Variants in PNKP observed in about 807,000 individuals in gnomAD.
PNKP encodes the protein polynucleotide kinase 3'-phosphatase.
Under a neutral mutation model 66.2 loss-of-function variants are expected in PNKP, and 82 were observed. The ratio of observed to expected loss-of-function variants is 1.24; its 90% confidence interval spans 1.04 to 1.49. The LOEUF (loss-of-function observed/expected upper bound fraction) is 1.49. PNKP is among the 40% of genes most tolerant of loss of function. The pLI is 0.00. For synonymous variants in PNKP, 412 were observed against 298.9 expected, an observed-to-expected ratio of 1.38 and a Z score of -3.90; for missense variants, 907 against 706.8, an observed-to-expected ratio of 1.28 and a Z score of -3.21.
At position 49,861,258 on chromosome 19, in the gene PNKP, G is replaced by T. The variant is rs745801055; in HGVS notation, c.1556C>A (p.Ser519Tyr). The T allele has an allele frequency of 1.2e-6, 2 of 1,603,610 alleles. No individual in the cohort carries two copies. The highest frequency in any genetic ancestry group is 1.7e-6 in the Non-Finnish European group (2 of 1,170,794). Reference protein sequence around the residue: ...PRLGRLYCQFSEG With the variant: ...PRLGRLYCQFYEG The stretch of plus-strand genomic sequence containing the variant: ...GGAGCTGGGCGGGGCTCAGCCCTCG[G>T]AGAACTGGCAGTACAGCCGCCCCAG... Residue 519 changes from serine (S) to tyrosine (Y), a missense_variant, in exon 17 of 17, where the codon TCC (serine) becomes TAC (tyrosine). Coordinates refer to ENST00000322344, the MANE Select transcript of PNKP (RefSeq NM_007254.4).
rs571119317 is a variant in PNKP at position 49,864,191 on chromosome 19, G to A, written c.624C>T (p.Ala208=). The change falls in exon 6 of 17, where the codon GCC becomes GCT. Residue 208 remains alanine (A), a synonymous_variant. Coordinates refer to ENST00000322344, the MANE Select transcript of PNKP (RefSeq NM_007254.4). ...CGGCTGCACATACCTTGTAGCCCTC[G>A]GCTTCCAGCTCTCGGAGCTTACGGG... The part of the protein sequence containing the change: ...EIPRKLRELE[A]EGYKLVIFTN... 268 of 1,614,148 alleles carry A rather than the reference G, an allele frequency of 1.7e-4. 4 individuals carry two copies. The South Asian group carries it at 2.5e-3, about 15-fold the overall frequency.
chr19:49,862,962 T>A, intron 8 of PNKP: 1 of 639,556 alleles, frequency 1.6e-6, no homozygotes, highest in Non-Finnish European at 2.8e-6. Flanking sequence ...CTTCACCTCC[T>A]CCCGTTCCCC....
In PNKP at chr19:49,866,438, C is replaced by T; in HGVS notation, c.159G>A (p.Leu53=). Residue 53 remains leucine, a synonymous_variant, in exon 3 of 17, where the codon CTG becomes CTA. Coordinates refer to ENST00000322344, the MANE Select transcript of PNKP (RefSeq NM_007254.4). ...CTGTCCGGGTCTCAGGATCTGCGAC[C>T]AGCTCCACTGAGGATTGGAGGGGTG... The part of the protein sequence containing the change: ...DRKCSRTQVE[L]VADPETRTVA... 6.2e-7 allele frequency: 1 copy of T among 1,614,184 alleles called. No homozygotes were observed. Among genetic ancestry groups the T allele is most frequent in the Non-Finnish European group, 8.5e-7 (1 of 1,179,998 alleles).
chr19:49,861,524 C>G lies in PNKP; in HGVS notation c.1387-14G>C. On this transcript the variant is annotated splice_polypyrimidine_tract_variant and intron_variant, in intron 15 of 16. Coordinates refer to ENST00000322344, the MANE Select transcript of PNKP (RefSeq NM_007254.4). Reference sequence around the variant, plus strand: ...CATCTCTCGAAACTGTGGGGAACATCAGAGGGGCGGCAGGCCCAGGGGTCA... The same window carrying G: ...CATCTCTCGAAACTGTGGGGAACATGAGAGGGGCGGCAGGCCCAGGGGTCA... 6.2e-7 allele frequency: 1 copy of G among 1,605,104 alleles called. No homozygotes were observed. The highest frequency in any genetic ancestry group is 8.5e-7 in the Non-Finnish European group (1 of 1,177,532).
At position 49,862,117 on chromosome 19, in the gene PNKP, G is replaced by A. The variant is rs769293635; in HGVS notation, c.1127-12C>T. ...GGTGGACTTCCCGGCTGTGTGGGGG[G>A]CAGTGTCGGTGGGTGGCCTAGGACC... On this transcript the variant is annotated splice_polypyrimidine_tract_variant and intron_variant, in intron 12 of 16. Coordinates refer to ENST00000322344, the MANE Select transcript of PNKP (RefSeq NM_007254.4). 24 of 1,614,008 alleles carry A rather than the reference G, an allele frequency of 1.5e-5. No homozygotes were observed. In the East Asian group the frequency reaches 2.9e-4, roughly 19 times the overall value.
rs552833580 is a variant in PNKP, at chr19:49,866,567, A to G, written c.152-122T>C. The G allele has an allele frequency of 9.7e-6, 9 of 924,872 alleles. No homozygotes were observed. In the South Asian group the frequency reaches 1.2e-4, roughly 12 times the overall value. 57.3% of individuals were successfully genotyped at this position (924,872 alleles called of 1,614,324 possible). A position where few individuals can be genotyped will look rare whatever the true frequency, so the allele number is the denominator to read the frequency against. On this transcript the variant is annotated intron_variant, in intron 2 of 16. Coordinates refer to ENST00000322344, the MANE Select transcript of PNKP (RefSeq NM_007254.4). ...GGAGTAAGAGGCAGTTTATTTCTAC[A>G]TGGGATTGGCTCCTTGACATGCAGT...
At position 49,862,721 on chromosome 19, in the gene PNKP, G is replaced by C. The variant is rs372595462; in HGVS notation, c.834C>G (p.Pro278=). ...HLQEQANDGT[P]ISIGDSIFVG... ...CAAAGATGCTGTCCCCGATGGATAT[G>C]GGCGTGCCGTCGTTGGCCTACGGGA... The change falls in exon 9 of 17, where the codon CCC becomes CCG. Residue 278 remains proline (P), a synonymous_variant. Coordinates refer to ENST00000322344, the MANE Select transcript of PNKP (RefSeq NM_007254.4). 6.2e-7 allele frequency: 1 copy of C among 1,614,010 alleles called. No homozygotes were observed. Among genetic ancestry groups the C allele is most frequent in the Admixed American group, 1.7e-5 (1 of 60,010 alleles).
chr19:49,866,942 C>T, intron 2 of PNKP, 112 bp downstream of exon 2: 1 of 1,036,088 alleles, frequency 9.7e-7, no homozygotes, highest in Non-Finnish European at 1.5e-6. Flanking sequence ...GAGCACCTTC[C>T]GACTTCGGGG....
chr19:49,861,484 A>G lies in PNKP; in HGVS notation c.1413T>C (p.His471=), dbSNP rs370017666. 2.8e-5 allele frequency: 42 copies of G among 1,520,294 alleles called. No individual in the cohort carries two copies. In the African/African-American group the frequency reaches 5.5e-4, roughly 20 times the overall value. The allele number at this position is 1,520,294 out of a possible 1,614,324, so 94.2% of individuals were successfully genotyped here. A position where few individuals can be genotyped will look rare whatever the true frequency, so the allele number is the denominator to read the frequency against. The stretch of plus-strand genomic sequence containing the variant: ...ACATGACCATGTCTGACACGGGGAT[A>G]TGAGAGGAGTCCGTCATCTCTCGAA... ...NRFREMTDSS[H]IPVSDMVMYG... Residue 471 remains histidine, a synonymous_variant, in exon 16 of 17, where the codon CAT becomes CAC. Coordinates refer to ENST00000322344, the MANE Select transcript of PNKP (RefSeq NM_007254.4).
At chr19:49,867,351 G>T in intron 1 of PNKP, 118 bp downstream of exon 1, 1 of 936,920 alleles carries the variant, frequency 1.1e-6, no homozygotes, top group Non-Finnish European at 1.6e-6. Flanking sequence ...CGCCTTCCGC[G>T]GGTCGACCCG....
At chr19:49,862,142 C>G in intron 12 of PNKP, 37 bp from the exon 13 acceptor site, 1 of 1,613,894 alleles carries the variant, frequency 6.2e-7, no homozygotes, top group Non-Finnish European at 8.5e-7. Flanking sequence ...GGCCTAGGAC[C>G]CAGGCGGGGC....
intron 8 of PNKP, among the ~76,000 whole-genome samples, chr19:49,863,379 C>A (rs759071425): frequency 6.6e-6 from 1 of 152,232 alleles, no homozygotes; most frequent in African/African-American, 2.4e-5. Context: ...CCGCCCTCGC[C>A]GTGAGGGCCC....
chr19:49,866,611 G>C, intron 2 of PNKP, 166 bp from the exon 3 acceptor site: 1 of 730,738 alleles, frequency 1.4e-6, no homozygotes, highest in South Asian at 1.5e-5. Context: ...AGTGGCACTA[G>C]GATTGCCTGA....
Position 49,862,229 on chromosome 19 carries a change from AGGAGGGCCCTGGACTCG to A in PNKP, c.1065_1081del (p.Ser357ArgfsTer48), listed in dbSNP as rs1366190965. On this transcript the variant is annotated frameshift_variant, in exon 12 of 17. Coordinates refer to ENST00000322344, the MANE Select transcript of PNKP (RefSeq NM_007254.4). LOFTEE classifies it high-confidence loss of function. ...GACAACCACCTCCGGGCTGGCGCTC[AGGAGGGCCCTGGACTCG>A]GGGAGGCAGAGAGGCCCTGAGCGGG... is the stretch of plus-strand genomic sequence containing the variant. 1 of 1,612,554 alleles carries A rather than the reference AGGAGGGCCCTGGACTCG, an allele frequency of 6.2e-7. No homozygotes were observed. Among genetic ancestry groups the A allele is most frequent in the Non-Finnish European group, 8.5e-7 (1 of 1,179,404 alleles).
At position 49,861,304 on chromosome 19, in the gene PNKP, G is replaced by A. The variant is rs148669160; in HGVS notation, c.1510C>T (p.Arg504Trp). ...CCCAGCCTCGGCTCCACCCATAGCC[G>A]GAACGGGATCTCCAGGATGGCAGAG... ...GFSAILEIPF[R>W]LWVEPRLGRL... The change falls in exon 17 of 17, where the codon CGG becomes TGG. Residue 504 changes from arginine (R) to tryptophan (W), a missense_variant. Arg to Trp is a moderately radical substitution (Grantham distance 101). Transcript: ENST00000322344. 3.0e-5 allele frequency: 48 copies of A among 1,613,612 alleles called. No homozygotes were observed. The highest frequency in any genetic ancestry group is 3.3e-4 in the Middle Eastern group (2 of 6,082).
In PNKP at chr19:49,866,465, A is replaced by C. The variant is rs777266489; in HGVS notation, c.152-20T>G. On this transcript the variant is annotated intron_variant, in intron 2 of 16. Transcript: ENST00000322344. Reference sequence around the variant, plus strand: ...GCTCCACTGAGGATTGGAGGGGTGGAGTCAGGATTTGCATCCTTGTGTGAT... The same window carrying C: ...GCTCCACTGAGGATTGGAGGGGTGGCGTCAGGATTTGCATCCTTGTGTGAT... The C allele has an allele frequency of 6.2e-7, 1 of 1,613,794 alleles. No individual in the cohort carries two copies. Among genetic ancestry groups the C allele is most frequent in the East Asian group, 2.2e-5 (1 of 44,882 alleles).
At chr19:49,862,825 T>G (rs1331681644) in intron 8 of PNKP, 87 bp from the exon 9 acceptor site, 4 of 1,386,166 alleles carry the variant, frequency 2.9e-6, no homozygotes, top group Non-Finnish European at 4.1e-6. Flanking sequence ...GCCTGGTCTG[T>G]GCCCCACATC....
rs369985921 is a variant in PNKP, at chr19:49,862,553, G to A, written c.921C>T (p.Ser307=). The part of the protein sequence containing the change: ...WAPGRKKKDF[S]CADRLFALNL... The stretch of plus-strand genomic sequence containing the variant: ...GGGGCCTCACCAGGCGATCGGCGCA[G>A]GAGAAGTCTTTCTTCTTCCGCCCCG... The change falls in exon 10 of 17, where the codon TCC becomes TCT. Residue 307 remains serine, a synonymous_variant. Coordinates refer to ENST00000322344, the MANE Select transcript of PNKP (RefSeq NM_007254.4). The A allele has an allele frequency of 8.1e-6, 13 of 1,611,774 alleles. No individual in the cohort carries two copies. Among genetic ancestry groups the A allele is most frequent in the Non-Finnish European group, 1.1e-5 (13 of 1,178,950 alleles).
At chr19:49,863,614 C>T (rs753667336) in intron 8 of PNKP, 75 bp downstream of exon 8, 67 of 1,140,862 alleles carry the variant, frequency 5.9e-5, no homozygotes, top group African/African-American at 2.8e-4. Flanking sequence ...AGGCCCCAAC[C>T]GGAGGCCGGG....
Sources: gnomAD v4.1 joint callset for allele counts (sites outside exome capture counted in the v4.1 genomes callset) on GRCh38, gnomAD v4.1.1 for gene constraint, MANE v1.5 for transcripts, NCBI Gene and HGNC (gene_info 2026-07-23, HGNC 2026-07-21) for gene names.